Variants in CDKL1 observed in about 807,000 individuals in gnomAD.
The protein encoded by CDKL1 is cyclin dependent kinase like 1.
In CDKL1, 41 loss-of-function variants were observed where a neutral mutation model predicts 42.0. The observed-to-expected ratio is 0.98, with a 90% CI of 0.76 to 1.27. CDKL1 has a LOEUF of 1.27. Among genes scored for constraint, CDKL1 ranks in the 50% most tolerant of loss-of-function variants. CDKL1 has a pLI of 0.00. For synonymous variants in CDKL1, 153 were observed against 158.6 expected (o/e 0.96, Z 0.26); for missense variants, 394 against 428.4 (o/e 0.92, Z 0.71).
At chr14:50,338,731 G>A (rs539126814) in intron 7 of CDKL1, among the ~76,000 whole-genome samples, 9 of 152,322 alleles carry the variant, frequency 5.9e-5, no homozygotes, top group African/African-American at 2.2e-4. Context: ...GGCAGGCAGC[G>A]CTGCCTTCCT....
intron 2 of CDKL1, among the ~76,000 whole-genome samples, chr14:50,361,924 C>T (rs556227449): frequency 4.0e-4 from 61 of 152,382 alleles, no homozygotes; most frequent in African/African-American, 1.4e-3. Flanking sequence ...AGGCCGGAGC[C>T]GGCTCCCTCA....
intron 2 of CDKL1, among the ~76,000 whole-genome samples, chr14:50,387,469 G>C (rs2035120824): frequency 6.6e-6 from 1 of 151,864 alleles, no homozygotes. Context: ...GTTGCAGTGA[G>C]CCCAGATCAT....
At chr14:50,380,148 C>T (rs773198928) in intron 2 of CDKL1, 1 of 528,274 alleles carries the variant, frequency 1.9e-6, no homozygotes, top group Non-Finnish European at 3.9e-6. Context: ...GCCAATATGG[C>T]AGAAAGGGCC....
At chr14:50,340,710 A>G (rs2033484120) in intron 6 of CDKL1, among the ~76,000 whole-genome samples, 1 of 152,228 alleles carries the variant, frequency 6.6e-6, no homozygotes, top group Non-Finnish European at 1.5e-5. Flanking sequence ...CCATGAAAGC[A>G]TTCTGTAAAC....
chr14:50,341,707 G>A (rs1408527870), intron 5 of CDKL1, among the ~76,000 whole-genome samples: 1 of 151,908 alleles, frequency 6.6e-6, no homozygotes, highest in Non-Finnish European at 1.5e-5. Context: ...CCTGAACTGG[G>A]GAGGTCGAGA....
intron 2 of CDKL1, among the ~76,000 whole-genome samples, chr14:50,372,414 G>A (rs758695017): frequency 4.6e-5 from 7 of 152,168 alleles, no homozygotes; most frequent in Non-Finnish European, 7.3e-5. Context: ...CACCACACCC[G>A]GCCCGAGTTC....
intron 2 of CDKL1, among the ~76,000 whole-genome samples, chr14:50,388,320 T>C (rs1012401784): frequency 6.6e-6 from 1 of 152,276 alleles, no homozygotes; most frequent in Non-Finnish European, 1.5e-5. Flanking sequence ...ATTTAGTGGA[T>C]GTGGCACTGC....
intron 3 of CDKL1, among the ~76,000 whole-genome samples, chr14:50,349,426 C>T (rs2033829323): frequency 6.6e-6 from 1 of 152,098 alleles, no homozygotes; most frequent in African/African-American, 2.4e-5. Context: ...AGGAGCAGTC[C>T]ATTATCAAAG....
At chr14:50,381,128 A>T (rs2034894532) in intron 2 of CDKL1, among the ~76,000 whole-genome samples, 1 of 152,210 alleles carries the variant, frequency 6.6e-6, no homozygotes, top group Non-Finnish European at 1.5e-5. Context: ...GCTAACACTG[A>T]GTAGGACCCA....
At position 50,326,506 on chromosome 14, in the gene CDKL1, A is replaced by G; in HGVS notation, c.*3568T>C. ...GTGGTCAGTGGTTGTTGAAGCATGC[A>G]TTGCTTCAACAGGATTTGCGTGCAT... On this transcript the variant is annotated 3_prime_UTR_variant, in exon 10 of 10. Transcript: ENST00000395834. 2 of 985,412 alleles carry G rather than the reference A, an allele frequency of 2.0e-6. No homozygotes were observed. The highest frequency in any genetic ancestry group is 2.4e-6 in the Non-Finnish European group (2 of 829,930). The allele number at this position is 985,412 out of a possible 1,614,324, so 61.0% of individuals were successfully genotyped here. A position where few individuals can be genotyped will look rare whatever the true frequency, so the allele number is the denominator to read the frequency against.
At chr14:50,362,770 A>G in intron 2 of CDKL1, 1 of 241,114 alleles carries the variant, frequency 4.1e-6, no homozygotes. Flanking sequence ...AAAACGGACC[A>G]ATCACCTCTC....
At chr14:50,393,825 AC>A in intron 2 of CDKL1, among the ~76,000 whole-genome samples, 1 of 152,294 alleles carries the variant, frequency 6.6e-6, no homozygotes, top group South Asian at 2.1e-4. Flanking sequence ...TGTGTACACA[AC>A]CCCATCCTTT....
At chr14:50,340,079 T>A (rs938541821) in intron 6 of CDKL1, among the ~76,000 whole-genome samples, 1 of 152,178 alleles carries the variant, frequency 6.6e-6, no homozygotes, top group African/African-American at 2.4e-5. Flanking sequence ...CTTAATAACC[T>A]TCTTCCTCCA....
Position 50,366,645 on chromosome 14 carries a change from T to C in CDKL1, c.169-7496A>G, listed in dbSNP as rs573164108. On this transcript the variant is annotated intron_variant, in intron 2 of 9. Coordinates refer to ENST00000395834, the MANE Select transcript of CDKL1 (RefSeq NM_004196.7). ...ATGAAGTGGCTGTTGATAGCTGACA[T>C]TGTGGTGACTTGGAGCAGAGCAGAG... Among the ~76,000 whole-genome samples the C allele has an allele frequency of 3.9e-5, 6 of 152,284 alleles. No homozygotes were observed. In the South Asian group the frequency reaches 8.3e-4, roughly 21 times the overall value.
intron 2 of CDKL1, among the ~76,000 whole-genome samples, chr14:50,375,401 C>T (rs1052187859): frequency 3.3e-5 from 5 of 152,330 alleles, no homozygotes; most frequent in East Asian, 1.9e-4. Context: ...CCTTCAGGGA[C>T]GGGAGCCTAA....
chr14:50,381,480 A>AT (rs2034905896), intron 2 of CDKL1, among the ~76,000 whole-genome samples: 2 of 152,210 alleles, frequency 1.3e-5, no homozygotes, highest in Non-Finnish European at 2.9e-5. Flanking sequence ...TATGAGGAAC[A>AT]AAGCCTCACA....
At chr14:50,333,717 G>A (rs1469833752) in intron 8 of CDKL1, 4 of 151,856 alleles carry the variant, frequency 2.6e-5, no homozygotes, top group African/African-American at 9.7e-5. Flanking sequence ...CTTCCTTTGG[G>A]GTCCGGATTG....
At chr14:50,396,491 G>A (rs896270813) in intron 1 of CDKL1, among the ~76,000 whole-genome samples, 162 bp from the exon 2 acceptor site, 5 of 152,190 alleles carry the variant, frequency 3.3e-5, no homozygotes, top group African/African-American at 7.2e-5. Flanking sequence ...ATCCTAAAAC[G>A]AGCCGAGCTG....
intron 7 of CDKL1, chr14:50,334,845 A>C: frequency 2.0e-6 from 1 of 503,226 alleles, no homozygotes; most frequent in Non-Finnish European, 3.5e-6. Flanking sequence ...CTACTCCCTT[A>C]ACTTCCTGCT....
Sources: allele counts gnomAD v4.1 joint callset (sites outside exome capture counted in the v4.1 genomes callset), GRCh38; gene constraint gnomAD v4.1.1; transcripts MANE v1.5; gene names NCBI Gene and HGNC (gene_info 2026-07-23, HGNC 2026-07-21).